The following UBR3 variants were observed in gnomAD, a reference collection of about 807,000 sequenced individuals.
UBR3 encodes the protein E3 ubiquitin-protein ligase UBR3.
Under a neutral mutation model 243.2 loss-of-function variants are expected in UBR3, and 85 were observed. That is an observed-to-expected ratio of 0.35 (90% CI 0.29 to 0.42). UBR3 has a LOEUF of 0.42. Ranked by LOEUF, UBR3 falls within the 10% of genes least tolerant of loss-of-function variation. UBR3 has a pLI of 1.00. For synonymous variants in UBR3, 748 were observed against 799.8 expected, an observed-to-expected ratio of 0.94 and a Z score of 1.09; for missense variants, 1,686 against 2,300.8, an observed-to-expected ratio of 0.73 and a Z score of 5.47.
intron 30 of UBR3, among the ~76,000 whole-genome samples, chr2:170,028,689 G>GT (rs72533605): frequency 0.55 from 80,018 of 146,056 alleles, 22,348 homozygotes; most frequent in Middle Eastern, 0.62. Flanking sequence ...AATACTTAGG[G>GT]TTTTTTTTTT....
chr2:170,024,060 G>A (rs1005056634), intron 30 of UBR3, among the ~76,000 whole-genome samples: 2 of 152,084 alleles, frequency 1.3e-5, no homozygotes, highest in Admixed American at 6.6e-5. Context: ...TATGAGTATA[G>A]TAAGAAATAA....
At chr2:169,866,046 G>T (rs2083246535) in intron 1 of UBR3, among the ~76,000 whole-genome samples, 1 of 150,286 alleles carries the variant, frequency 6.7e-6, no homozygotes, top group Non-Finnish European at 1.5e-5. Flanking sequence ...AGCTACTCGG[G>T]AGGTTGACTC....
rs141426803 is a variant in UBR3, at chr2:169,980,352, GC to G, written c.3635-6292del. The stretch of plus-strand genomic sequence containing the variant: ...TATATATGTATAAATACAGGCATAT[GC>G]ATATGCATGAGTTAGTGTACAGACA... On this transcript the variant is annotated intron_variant, in intron 24 of 38. Coordinates refer to ENST00000272793, the MANE Select transcript of UBR3 (RefSeq NM_172070.4). Among the ~76,000 whole-genome samples the G allele has an allele frequency of 3.7e-3, 565 of 152,308 alleles. 3 individuals are homozygous for G. The highest frequency in any genetic ancestry group is 0.013 in the African/African-American group (530 of 41,560).
At chr2:169,882,264 ATATT>A (rs1402343280) in intron 5 of UBR3, among the ~76,000 whole-genome samples, 6 of 138,464 alleles carry the variant, frequency 4.3e-5, no homozygotes, top group African/African-American at 8.1e-5. Flanking sequence ...ATATTTATAT[ATATT>A]TGTATATCAT....
At chr2:169,851,645 C>T (rs957035989) in intron 1 of UBR3, among the ~76,000 whole-genome samples, 1 of 152,020 alleles carries the variant, frequency 6.6e-6, no homozygotes, top group African/African-American at 2.4e-5. Flanking sequence ...GGGAGCGGAT[C>T]ACAAGGTCAA....
chr2:170,009,000 T>A, intron 29 of UBR3, 60 bp downstream of exon 29: 3 of 1,095,826 alleles, frequency 2.7e-6, no homozygotes, highest in Non-Finnish European at 3.7e-6. Flanking sequence ...ATTTTATTAT[T>A]TAATAAATAT....
intron 18 of UBR3, 50 bp from the exon 19 acceptor site, chr2:169,932,862 T>C (rs1045525209): frequency 4.4e-6 from 6 of 1,374,550 alleles, no homozygotes; most frequent in African/African-American, 2.9e-5. Context: ...TCAATAAATA[T>C]TGATTTTATT....
chr2:169,904,474 T>C (rs949469647), intron 8 of UBR3, among the ~76,000 whole-genome samples: 12 of 152,146 alleles, frequency 7.9e-5, no homozygotes, highest in Non-Finnish European at 1.5e-4. Flanking sequence ...TAATTTTTAA[T>C]GATAAAGATT....
intron 32 of UBR3, among the ~76,000 whole-genome samples, chr2:170,044,595 G>A (rs554918843): frequency 6.6e-6 from 1 of 152,212 alleles, no homozygotes; most frequent in South Asian, 2.1e-4. Context: ...TGTACAAGGG[G>A]AAAGAAGATT....
At chr2:169,963,764 A>AT (rs1250721597) in intron 24 of UBR3, among the ~76,000 whole-genome samples, 3 of 152,318 alleles carry the variant, frequency 2.0e-5, no homozygotes, top group South Asian at 4.1e-4. Context: ...ATATAAATGC[A>AT]TTTTTTACCA....
intron 24 of UBR3, chr2:169,964,501 A>T (rs1361473905): frequency 2.2e-6 from 1 of 462,080 alleles, no homozygotes; most frequent in Non-Finnish European, 4.5e-6. Context: ...CCTCTGAGGA[A>T]ACTGGAGGGA....
intron 1 of UBR3, among the ~76,000 whole-genome samples, chr2:169,871,862 G>A (rs150635887): frequency 3.8e-3 from 578 of 151,798 alleles, no homozygotes; most frequent in South Asian, 0.021. Flanking sequence ...CAATAAGTTA[G>A]AAATAGGAAA....
chr2:169,866,519 T>C (rs772989453), intron 1 of UBR3, among the ~76,000 whole-genome samples: 1 of 151,998 alleles, frequency 6.6e-6, no homozygotes, highest in Non-Finnish European at 1.5e-5. Flanking sequence ...TACGCCACCA[T>C]GTCTAGCTAA....
intron 2 of UBR3, among the ~76,000 whole-genome samples, chr2:169,875,026 GT>G (rs35993753): frequency 0.44 from 64,340 of 147,744 alleles, 15,353 homozygotes; most frequent in Non-Finnish European, 0.55. Flanking sequence ...CTATTTGCCT[GT>G]TTTTTTTTTA....
intron 1 of UBR3, among the ~76,000 whole-genome samples, chr2:169,842,989 A>G (rs902150574): frequency 1.4e-4 from 21 of 152,312 alleles, no homozygotes; most frequent in African/African-American, 4.3e-4. Context: ...CCATATTTCT[A>G]CCAACATTCC....
At chr2:170,069,273 C>G (rs1574477704) in intron 35 of UBR3, among the ~76,000 whole-genome samples, 1 of 152,088 alleles carries the variant, frequency 6.6e-6, no homozygotes, top group African/African-American at 2.4e-5. Context: ...GGGTATTTTT[C>G]TTTTAGCTTT....
At chr2:170,054,321 G>T in intron 32 of UBR3, among the ~76,000 whole-genome samples, 2 of 146,926 alleles carry the variant, frequency 1.4e-5, no homozygotes. Context: ...TCACACTGTT[G>T]CCTGGGCTGG....
intron 1 of UBR3, among the ~76,000 whole-genome samples, chr2:169,835,766 A>G (rs2082064581): frequency 6.6e-6 from 1 of 152,080 alleles, no homozygotes; most frequent in African/African-American, 2.4e-5. Context: ...TATAAAACTC[A>G]GTTAAAACTA....
At chr2:169,845,518 C>T (rs1013960916) in intron 1 of UBR3, among the ~76,000 whole-genome samples, 1 of 146,956 alleles carries the variant, frequency 6.8e-6, no homozygotes, top group East Asian at 2.0e-4. Context: ...TCGTCGTCGT[C>T]GTCGTCGTCG....
Sources: allele counts gnomAD v4.1 joint callset (sites outside exome capture counted in the v4.1 genomes callset), GRCh38; gene constraint gnomAD v4.1.1; transcripts MANE v1.5; gene names NCBI Gene and HGNC (gene_info 2026-07-23, HGNC 2026-07-21).